Variants in SLIT3 observed in about 807,000 individuals in gnomAD.
SLIT3 encodes slit homolog 3 protein.
Under a neutral mutation model 184.0 loss-of-function variants are expected in SLIT3, and 68 were observed. That is an observed-to-expected ratio of 0.37 (90% CI 0.30 to 0.45). The LOEUF is 0.45. Ranked by LOEUF, SLIT3 falls within the 20% of genes least tolerant of loss-of-function variation. The pLI, the probability that SLIT3 is intolerant of heterozygous loss-of-function variation, is 1.00. For missense variants in SLIT3, 1,707 were observed against 2,026.0 expected (o/e 0.84, Z 3.02); for synonymous variants, 831 against 828.6 (o/e 1.00, Z -0.05).
At chr5:168,946,783 C>T (rs1337568481) in intron 4 of SLIT3, among the ~76,000 whole-genome samples, 5 of 152,202 alleles carry the variant, frequency 3.3e-5, no homozygotes. Context: ...CTACTCTTTG[C>T]TCAGTTACTC....
chr5:168,841,814 C>T (rs1199323440), intron 6 of SLIT3, among the ~76,000 whole-genome samples: 1 of 152,194 alleles, frequency 6.6e-6, no homozygotes, highest in Non-Finnish European at 1.5e-5. Context: ...TCTGGGACAA[C>T]CAATGTGTCT....
At chr5:168,797,359 G>C (rs1756602819) in intron 9 of SLIT3, among the ~76,000 whole-genome samples, 1 of 152,220 alleles carries the variant, frequency 6.6e-6, no homozygotes. Context: ...ACCTGCCACT[G>C]TGGCAAGAGA....
intron 14 of SLIT3, among the ~76,000 whole-genome samples, chr5:168,767,923 G>T (rs917654883): frequency 3.3e-5 from 5 of 152,232 alleles, no homozygotes; most frequent in Non-Finnish European, 5.9e-5. Context: ...CTAGATTTGG[G>T]GGAGGGTGAC....
At chr5:168,971,513 C>T (rs1489483022) in intron 4 of SLIT3, among the ~76,000 whole-genome samples, 1 of 152,180 alleles carries the variant, frequency 6.6e-6, no homozygotes, top group African/African-American at 2.4e-5. Context: ...TTGATCTGCC[C>T]CTTCCCACTC....
intron 4 of SLIT3, among the ~76,000 whole-genome samples, chr5:168,979,173 C>G (rs901347225): frequency 6.6e-6 from 1 of 152,218 alleles, no homozygotes; most frequent in Non-Finnish European, 1.5e-5. Flanking sequence ...GCCCACATGT[C>G]AAAGAATCTC....
At chr5:169,192,342 C>A (rs1763581977) in intron 4 of SLIT3, among the ~76,000 whole-genome samples, 1 of 152,046 alleles carries the variant, frequency 6.6e-6, no homozygotes, top group Non-Finnish European at 1.5e-5. Context: ...GAGACCACTG[C>A]ATGATTGGAA....
chr5:168,698,358 A>G (rs1762120400), intron 27 of SLIT3, among the ~76,000 whole-genome samples: 2 of 152,086 alleles, frequency 1.3e-5, no homozygotes, highest in African/African-American at 4.8e-5. Context: ...ATCCAATATA[A>G]CAGGTGTCTC....
At chr5:169,146,000 G>A (rs748841421) in intron 4 of SLIT3, among the ~76,000 whole-genome samples, 7 of 152,070 alleles carry the variant, frequency 4.6e-5, no homozygotes, top group South Asian at 4.2e-4. Flanking sequence ...GCAGTGAGCC[G>A]AGATCGCACC....
intron 4 of SLIT3, among the ~76,000 whole-genome samples, chr5:169,056,742 C>T (rs1300892586): frequency 7.2e-5 from 11 of 152,164 alleles, no homozygotes; most frequent in Admixed American, 7.2e-4. Flanking sequence ...CTTTAAGAGA[C>T]AAGGGAGCAG....
intron 5 of SLIT3, among the ~76,000 whole-genome samples, chr5:168,864,933 C>A (rs575458187): frequency 6.6e-6 from 1 of 151,676 alleles, no homozygotes; most frequent in Admixed American, 6.6e-5. Context: ...TTTGGGAGAC[C>A]GAGGCGGGTG....
intron 4 of SLIT3, among the ~76,000 whole-genome samples, chr5:169,119,713 G>T (rs1016729585): frequency 3.4e-5 from 5 of 145,488 alleles, no homozygotes; most frequent in Non-Finnish European, 6.2e-5. Context: ...ACTGTGGCAC[G>T]CTGCCTCTGT....
intron 4 of SLIT3, chr5:169,036,151 A>G (rs1757238842): frequency 6.6e-6 from 1 of 152,268 alleles, no homozygotes; most frequent in Non-Finnish European, 1.5e-5. Flanking sequence ...GGAAAGAAGA[A>G]GAGGCATCCA....
Position 168,666,618 on chromosome 5 carries a change from C to T in SLIT3, c.4408G>A (p.Ala1470Thr), listed in dbSNP as rs1383766492. 1 of 1,614,230 alleles carries T rather than the reference C, an allele frequency of 6.2e-7. No homozygotes were observed. The highest frequency in any genetic ancestry group is 1.3e-5 in the African/African-American group (1 of 75,078). Residue 1470 changes from alanine (A) to threonine (T), a missense_variant, in exon 36 of 36, where the codon GCC becomes ACC. Ala to Thr is a moderately conservative substitution (Grantham distance 58). This residue lies in a region of SLIT3 where 387 missense variants were observed against 477.9 expected (regional missense o/e 0.81). Coordinates refer to ENST00000519560, the MANE Select transcript of SLIT3 (RefSeq NM_003062.4). ...RQKGYASCAT[A>T]SKVPIMECRG... is the part of the protein sequence containing the mutation. ...CATTCCATGATGGGCACCTTGGAGG[C>T]TGTGGCACATGATGCATAACCTTTC...
intron 1 of SLIT3, among the ~76,000 whole-genome samples, chr5:169,265,219 C>T (rs548061582): frequency 6.6e-5 from 10 of 152,312 alleles, no homozygotes; most frequent in East Asian, 5.8e-4. Flanking sequence ...ACAGCAGAGA[C>T]GAACTTGCAA....
chr5:168,914,982 T>C (rs1363976792), intron 4 of SLIT3, among the ~76,000 whole-genome samples: 2 of 152,220 alleles, frequency 1.3e-5, no homozygotes, highest in Non-Finnish European at 2.9e-5. Context: ...ATTCTATTTA[T>C]ATTTAGTATA....
intron 4 of SLIT3, among the ~76,000 whole-genome samples, chr5:169,092,297 C>T (rs1434486126): frequency 2.0e-5 from 3 of 152,158 alleles, no homozygotes; most frequent in Non-Finnish European, 2.9e-5. Context: ...AGGAGAGGAG[C>T]TGTGGCCATT....
chr5:169,180,197 G>A (rs151039731), intron 4 of SLIT3, among the ~76,000 whole-genome samples: 318 of 152,218 alleles, frequency 2.1e-3, no homozygotes, highest in Non-Finnish European at 3.6e-3. Context: ...GACATTTGAG[G>A]TCAGCATATC....
Position 168,748,323 on chromosome 5 carries a change from A to T in SLIT3, c.2249T>A (p.Met750Lys). ...NKGLRALPRG[M>K]PKDVTELYLE... is the part of the protein sequence containing the mutation. ...TTACAGCTCGGTCACATCCTTGGGCATGCCTCTGGGGAGGGCGCGGAGCCC... is the reference window on the plus strand; with the variant it reads ...TTACAGCTCGGTCACATCCTTGGGCTTGCCTCTGGGGAGGGCGCGGAGCCC... The change falls in exon 20 of 36, where the codon ATG becomes AAG. Residue 750 changes from methionine to lysine, a missense_variant. Transcript: ENST00000519560. The T allele has an allele frequency of 4.0e-6, 6 of 1,484,812 alleles. No homozygotes were observed. Among genetic ancestry groups the T allele is most frequent in the Non-Finnish European group, 5.3e-6 (6 of 1,122,140 alleles). 92.0% of individuals were successfully genotyped at this position (1,484,812 alleles called of 1,614,324 possible). A position where few individuals can be genotyped will look rare whatever the true frequency, so the allele number is the denominator to read the frequency against.
rs149518000 is a variant in SLIT3, at chr5:169,266,871, A to G, written c.198-15412T>C. ...AAGGAGGAAAATAAACTGATCCCCT[A>G]GGGTCACAATAATTCTCACTGGCTT... On this transcript the variant is annotated intron_variant, in intron 1 of 35. Coordinates refer to ENST00000519560, the MANE Select transcript of SLIT3 (RefSeq NM_003062.4). Among the ~76,000 whole-genome samples, 672 of 152,300 alleles carry G rather than the reference A, an allele frequency of 4.4e-3. 4 individuals are homozygous for G. Among genetic ancestry groups the G allele is most frequent in the African/African-American group, 0.015 (625 of 41,568 alleles).
Sources: gnomAD v4.1 joint callset for allele counts (sites outside exome capture counted in the v4.1 genomes callset) on GRCh38, gnomAD v4.1.1 for gene constraint, gnomAD v4.1.1 regional missense constraint, MANE v1.5 for transcripts, NCBI Gene and HGNC (gene_info 2026-07-23, HGNC 2026-07-21) for gene names.